Variants in PPP3R1 observed in about 807,000 individuals in gnomAD.
PPP3R1 encodes calcineurin subunit B type 1.
PPP3R1 carries 5 observed loss-of-function variants against 22.6 expected under a neutral mutation model. The ratio of observed to expected loss-of-function variants is 0.22; its 90% CI spans 0.12 to 0.46. The LOEUF is 0.46. Ranked by LOEUF, PPP3R1 falls within the 20% of genes least tolerant of loss-of-function variation. The pLI, the probability that PPP3R1 is intolerant of heterozygous loss-of-function variation, is 0.99. For synonymous variants in PPP3R1, 56 were observed against 65.2 expected (o/e 0.86, Z 0.68); for missense variants, 61 against 203.2 (o/e 0.30, Z 4.25).
chr2:68,205,574 ACAT>A (rs1248419368), intron 2 of PPP3R1, among the ~76,000 whole-genome samples: 1 of 152,114 alleles, frequency 6.6e-6, no homozygotes, highest in Non-Finnish European at 1.5e-5. Context: ...ACTCTTTAAC[ACAT>A]CATAACATTA....
rs1027426473 is a variant in PPP3R1 at position 68,247,278 on chromosome 2, A to G, written c.3+4847T>C. Among the ~76,000 whole-genome samples, 3 of 148,256 alleles carry G rather than the reference A, an allele frequency of 2.0e-5. No homozygotes were observed. The Admixed American group carries it at 2.0e-4, about 10-fold the overall frequency. ...CACCCATGATTCCTTTAAATTCAGC[A>G]TGTGCAAAAATAAAAATTCTCATCA... On this transcript the variant is annotated intron_variant, in intron 1 of 5. Transcript: ENST00000234310.
intron 1 of PPP3R1, among the ~76,000 whole-genome samples, chr2:68,242,500 C>T (rs913173368): frequency 1.3e-5 from 2 of 151,942 alleles, no homozygotes; most frequent in East Asian, 1.9e-4. Context: ...GTAAAAGCAG[C>T]GTGACTGCCA....
chr2:68,217,182 T>A, intron 1 of PPP3R1, 51 bp from the exon 2 acceptor site: 2 of 1,336,850 alleles, frequency 1.5e-6, no homozygotes, highest in Admixed American at 2.0e-5. Context: ...CAAATTTGTT[T>A]AAAATATTAA....
intron 1 of PPP3R1, among the ~76,000 whole-genome samples, chr2:68,218,768 G>A (rs1478781261): frequency 2.0e-5 from 3 of 150,664 alleles, no homozygotes; most frequent in Non-Finnish European, 4.4e-5. Flanking sequence ...TGTTTTATAA[G>A]TGAAGGTAAA....
chr2:68,189,220 A>T (rs1020599433), intron 2 of PPP3R1, among the ~76,000 whole-genome samples: 1 of 151,816 alleles, frequency 6.6e-6, no homozygotes, highest in South Asian at 2.1e-4. Context: ...CCACCCCGAG[A>T]TATCCATTTC....
intron 1 of PPP3R1, among the ~76,000 whole-genome samples, chr2:68,241,793 G>T (rs1003209178): frequency 6.7e-6 from 1 of 148,708 alleles, no homozygotes; most frequent in Admixed American, 6.7e-5. Flanking sequence ...GCAGTGAACC[G>T]AGATTGCACC....
chr2:68,208,121 C>A (rs986964589), intron 2 of PPP3R1, among the ~76,000 whole-genome samples: 1 of 152,164 alleles, frequency 6.6e-6, no homozygotes, highest in African/African-American at 2.4e-5. Flanking sequence ...CCATTGCACT[C>A]CAGCCTGGGC....
chr2:68,198,041 C>T (rs1469243058), intron 2 of PPP3R1, among the ~76,000 whole-genome samples: 1 of 114,684 alleles, frequency 8.7e-6, no homozygotes, highest in Non-Finnish European at 1.7e-5. Flanking sequence ...GAAAAGGCTC[C>T]CTTTACAACG....
chr2:68,217,015 C>CAT (rs1669591734), intron 2 of PPP3R1, 77 bp downstream of exon 2: 2 of 679,868 alleles, frequency 2.9e-6, no homozygotes, highest in East Asian at 3.6e-5. Context: ...GTATGATACA[C>CAT]ACACACACAC....
At position 68,188,514 on chromosome 2, in the gene PPP3R1, C is replaced by T; in HGVS notation, c.220G>A (p.Glu74Lys). Residue 74 changes from glutamate (E) to lysine (K), a missense_variant and splice_region_variant, in exon 3 of 6, where the codon GAA becomes AAA. Glu to Lys is a moderately conservative substitution (Grantham distance 56, BLOSUM62 1). Coordinates refer to ENST00000234310, the MANE Select transcript of PPP3R1 (RefSeq NM_000945.4). ...TDGNGEVDFK[E>K]FIEGVSQFSV... Reference sequence around the variant, plus strand: ...TTATAAAAAATAACTACTTTCTTACCTTTAAAGTCTACTTCTCCATTCCCA... The same window carrying T: ...TTATAAAAAATAACTACTTTCTTACTTTTAAAGTCTACTTCTCCATTCCCA... 1 of 1,585,772 alleles carries T rather than the reference C, an allele frequency of 6.3e-7. No homozygotes were observed. The highest frequency in any genetic ancestry group is 1.2e-5 in the South Asian group (1 of 86,232).
chr2:68,219,726 T>C (rs931247253), intron 1 of PPP3R1, among the ~76,000 whole-genome samples: 2 of 152,160 alleles, frequency 1.3e-5, no homozygotes, highest in African/African-American at 4.8e-5. Flanking sequence ...ACATACCCAA[T>C]AAGGTACTGA....
In PPP3R1 at chr2:68,220,769, T is replaced by C. The variant is rs143268386; in HGVS notation, c.4-3638A>G. Among the ~76,000 whole-genome samples, 120 of 152,324 alleles carry C rather than the reference T, an allele frequency of 7.9e-4. 1 individual carries two copies. The highest frequency in any genetic ancestry group is 2.8e-3 in the African/African-American group (115 of 41,572). On this transcript the variant is annotated intron_variant, in intron 1 of 5. Coordinates refer to ENST00000234310, the MANE Select transcript of PPP3R1 (RefSeq NM_000945.4). ...AAGAAGCCAAAAACAAAAGGCCACA[T>C]TTTATGATTCCATTTATATGAAATA...
At chr2:68,219,489 G>C (rs1192313266) in intron 1 of PPP3R1, among the ~76,000 whole-genome samples, 1 of 152,042 alleles carries the variant, frequency 6.6e-6, no homozygotes, top group Admixed American at 6.6e-5. Flanking sequence ...ACATTTATCA[G>C]TAATTGTTTC....
chr2:68,243,745 T>G (rs1184185140), intron 1 of PPP3R1, among the ~76,000 whole-genome samples: 1 of 152,188 alleles, frequency 6.6e-6, no homozygotes, highest in East Asian at 1.9e-4. Context: ...ATTGTTTACA[T>G]TTAAAATACC....
At chr2:68,184,817 G>A (rs1256344550) in intron 5 of PPP3R1, among the ~76,000 whole-genome samples, 1 of 152,214 alleles carries the variant, frequency 6.6e-6, no homozygotes, top group African/African-American at 2.4e-5. Flanking sequence ...GCCAGACACA[G>A]TGGCTCGTGC....
In PPP3R1 at chr2:68,212,036, C is replaced by G. The variant is rs4296409; in HGVS notation, c.43+5056G>C. On this transcript the variant is annotated intron_variant, in intron 2 of 5. Coordinates refer to ENST00000234310, the MANE Select transcript of PPP3R1 (RefSeq NM_000945.4). The stretch of plus-strand genomic sequence containing the variant: ...TGATATTTTGACTTCCCATGAATCA[C>G]GAATGTAATTAATGGCAAATCTATA... Among the ~76,000 whole-genome samples, 322 of 152,210 alleles carry G rather than the reference C, an allele frequency of 2.1e-3. 1 individual carries two copies. The highest frequency in any genetic ancestry group is 3.4e-3 in the Non-Finnish European group (229 of 67,998).
intron 1 of PPP3R1, among the ~76,000 whole-genome samples, chr2:68,242,644 G>A (rs560631023): frequency 6.6e-6 from 1 of 152,250 alleles, no homozygotes; most frequent in South Asian, 2.1e-4. Flanking sequence ...AAATATGTAA[G>A]TACAGATTTA....
At chr2:68,181,186 G>A (rs774643919) in intron 5 of PPP3R1, among the ~76,000 whole-genome samples, 176 bp from the exon 6 acceptor site, 2 of 152,084 alleles carry the variant, frequency 1.3e-5, no homozygotes, top group African/African-American at 2.4e-5. Context: ...TCAGGAGATC[G>A]AGACCATCCT....
intron 1 of PPP3R1, among the ~76,000 whole-genome samples, chr2:68,242,358 T>A (rs547758952): frequency 1.3e-4 from 20 of 151,098 alleles, no homozygotes; most frequent in Non-Finnish European, 2.1e-4. Flanking sequence ...CCCAGGAGGC[T>A]GAAGTAGCGG....
Sources: allele counts gnomAD v4.1 joint callset (sites outside exome capture counted in the v4.1 genomes callset), GRCh38; gene constraint gnomAD v4.1.1; transcripts MANE v1.5; gene names NCBI Gene and HGNC (gene_info 2026-07-23, HGNC 2026-07-21).